The following PANK1 variants were observed in gnomAD, a reference collection of about 807,000 sequenced individuals.
The protein encoded by PANK1 is pantothenate kinase 1.
Under a neutral mutation model 40.1 loss-of-function variants are expected in PANK1, and 18 were observed. That is an observed-to-expected ratio of 0.45 (90% CI 0.31 to 0.67). The LOEUF is 0.67. PANK1 is among the 30% of genes least tolerant of loss of function. The pLI, the probability that PANK1 is intolerant of heterozygous loss-of-function variation, is 0.06. For missense variants in PANK1, 457 were observed against 599.6 expected, an observed-to-expected ratio of 0.76 and a Z score of 2.48; for synonymous variants, 242 against 237.7, an observed-to-expected ratio of 1.02 and a Z score of -0.17.
At chr10:89,617,111 A>G (rs1845342899) in intron 1 of PANK1, among the ~76,000 whole-genome samples, 1 of 152,278 alleles carries the variant, frequency 6.6e-6, no homozygotes, top group Admixed American at 6.5e-5. Context: ...AACATAGAGC[A>G]TAAGCACAAA....
intron 1 of PANK1, among the ~76,000 whole-genome samples, chr10:89,615,505 G>C (rs566917740): frequency 6.6e-6 from 1 of 152,244 alleles, no homozygotes; most frequent in African/African-American, 2.4e-5. Flanking sequence ...AGAACAATTG[G>C]AAAAAGTATA....
downstream of PANK1, chr10:89,581,954 A>G (rs1045168084): frequency 1.3e-5 from 2 of 152,252 alleles, no homozygotes; most frequent in African/African-American, 4.8e-5. Flanking sequence ...ACATCTCCAT[A>G]CTAACATGGG....
rs1564620099 is a variant in PANK1, at chr10:89,595,836, ATAT to A, written c.900-1850_900-1848del. The stretch of plus-strand genomic sequence containing the variant: ...CATCTTAAAAAAAAAAAAAAAAAAT[ATAT>A]ATATATATATATATATATATATATA... On this transcript the variant is annotated intron_variant, in intron 3 of 6. Transcript: ENST00000307534. Among the ~76,000 whole-genome samples, 227 of 46,264 alleles carry A rather than the reference ATAT, an allele frequency of 4.9e-3. 1 individual carries two copies. Among genetic ancestry groups the A allele is most frequent in the Non-Finnish European group, 6.2e-3 (170 of 27,558 alleles). The allele number at this position is 46,264 out of a possible 152,430, so 30.4% of individuals were successfully genotyped here. A position where few individuals can be genotyped will look rare whatever the true frequency, so the allele number is the denominator to read the frequency against.
At chr10:89,587,009 G>C (rs570307509) in intron 6 of PANK1, among the ~76,000 whole-genome samples, 1 of 152,216 alleles carries the variant, frequency 6.6e-6, no homozygotes, top group Admixed American at 6.5e-5. Flanking sequence ...TGTAATCCCA[G>C]CTACTTGGGA....
intron 1 of PANK1, among the ~76,000 whole-genome samples, chr10:89,638,386 C>G (rs955431432): frequency 6.6e-6 from 1 of 152,206 alleles, no homozygotes; most frequent in Admixed American, 6.5e-5. Flanking sequence ...CTTCCATTGT[C>G]CTAATGAACA....
chr10:89,583,733 T>C lies in PANK1; in HGVS notation c.*673A>G. 1 of 152,210 alleles carries C rather than the reference T, an allele frequency of 6.6e-6. No homozygotes were observed. Among genetic ancestry groups the C allele is most frequent in the East Asian group, 1.9e-4 (1 of 5,200 alleles). The allele number at this position is 152,210 out of a possible 1,614,324, so 9.4% of individuals were successfully genotyped here. On this transcript the variant is annotated 3_prime_UTR_variant, in exon 7 of 7. Transcript: ENST00000307534. The stretch of plus-strand genomic sequence containing the variant: ...CACGGGCATTTTCAAGAGCTTTAGA[T>C]CTTGTGCTTAACTTTGTATTGAGCT...
In PANK1 at chr10:89,611,771, C is replaced by G; in HGVS notation, c.570G>C (p.Lys190Asn). 6 of 1,614,222 alleles carry G rather than the reference C, an allele frequency of 3.7e-6. No homozygotes were observed. The highest frequency in any genetic ancestry group is 5.1e-6 in the Non-Finnish European group (6 of 1,180,042). Residue 190 changes from lysine to asparagine, a missense_variant, in exon 2 of 7, where the codon AAG becomes AAC. Lys to Asn is a moderately conservative substitution (Grantham distance 94). This residue lies in a region of PANK1 where 286 missense variants were observed against 415.8 expected (regional missense o/e 0.69). Coordinates refer to ENST00000307534, the MANE Select transcript of PANK1 (RefSeq NM_148977.3). Reference sequence around the variant, plus strand: ...GGGTGGTGTGAAGGCTAGAGAAGTTCTTCTCGCTGCCCATCTGAATGAACC... The same window carrying G: ...GGGTGGTGTGAAGGCTAGAGAAGTTGTTCTCGCTGCCCATCTGAATGAACC... ...MHRFIQMGSE[K>N]NFSSLHTTLC...
intron 5 of PANK1, among the ~76,000 whole-genome samples, chr10:89,590,018 T>C (rs1291287178): frequency 8.0e-6 from 1 of 124,228 alleles, no homozygotes; most frequent in Non-Finnish European, 1.6e-5. Context: ...TCCAGGTGGG[T>C]CAAAGATGTT....
chr10:89,635,673 TAC>T (rs1357787785), intron 1 of PANK1, among the ~76,000 whole-genome samples: 12 of 152,252 alleles, frequency 7.9e-5, no homozygotes, highest in Non-Finnish European at 1.8e-4. Context: ...AAGTTCAATG[TAC>T]ACAGTCTCAT....
At chr10:89,621,304 TAA>T (rs11400272) in intron 1 of PANK1, among the ~76,000 whole-genome samples, 53 of 146,958 alleles carry the variant, frequency 3.6e-4, no homozygotes, top group East Asian at 1.6e-3. Flanking sequence ...CTCTGTCTCA[TAA>T]AAAAAAAAAA....
At chr10:89,608,245 A>G (rs1261050019) in intron 2 of PANK1, among the ~76,000 whole-genome samples, 1 of 151,854 alleles carries the variant, frequency 6.6e-6, no homozygotes, top group African/African-American at 2.4e-5. Context: ...GTTAGCCAGG[A>G]TGGTCTCGAT....
chr10:89,615,243 C>G (rs573007634), intron 1 of PANK1, among the ~76,000 whole-genome samples: 1 of 152,332 alleles, frequency 6.6e-6, no homozygotes, highest in Admixed American at 6.5e-5. Context: ...AGAAAACAAT[C>G]TAGTTCTGTA....
intron 3 of PANK1, among the ~76,000 whole-genome samples, chr10:89,597,181 T>C (rs1844636859): frequency 6.6e-6 from 1 of 152,244 alleles, no homozygotes; most frequent in Non-Finnish European, 1.5e-5. Context: ...CTAAGCCATT[T>C]GCTAAAACAG....
At chr10:89,582,579 T>C (rs1312622228), downstream of PANK1, 1 of 152,150 alleles carries the variant, frequency 6.6e-6, no homozygotes, top group Non-Finnish European at 1.5e-5. Flanking sequence ...AGAATAGGAA[T>C]AGAAGAGGCC....
chr10:89,622,390 T>C (rs114547926), intron 1 of PANK1, among the ~76,000 whole-genome samples: 12 of 152,330 alleles, frequency 7.9e-5, no homozygotes, highest in African/African-American at 2.4e-4. Context: ...GCTCATATGC[T>C]ACCACTGGGA....
At chr10:89,604,941 C>CG (rs1378696647) in intron 2 of PANK1, among the ~76,000 whole-genome samples, 2 of 151,272 alleles carry the variant, frequency 1.3e-5, no homozygotes, top group Non-Finnish European at 2.9e-5. Context: ...TTAGTAGAGA[C>CG]GGGGTTTCAC....
chr10:89,596,020 C>T (rs891128496), intron 3 of PANK1, among the ~76,000 whole-genome samples: 1 of 151,132 alleles, frequency 6.6e-6, no homozygotes, highest in African/African-American at 2.4e-5. Context: ...GGAAGAGGTC[C>T]ATGTACATTA....
intron 1 of PANK1, among the ~76,000 whole-genome samples, chr10:89,641,880 C>A (rs1841981724): frequency 6.6e-6 from 1 of 152,114 alleles, no homozygotes; most frequent in African/African-American, 2.4e-5. Context: ...ACTGTCAGCT[C>A]TGAAGTGTCA....
At chr10:89,590,081 A>T (rs749570262) in intron 5 of PANK1, among the ~76,000 whole-genome samples, 2 of 151,742 alleles carry the variant, frequency 1.3e-5, no homozygotes, top group Middle Eastern at 3.2e-3. Context: ...ATAGGGAAAA[A>T]TATGGAAGAA....
Sources: allele counts gnomAD v4.1 joint callset (sites outside exome capture counted in the v4.1 genomes callset), GRCh38; gene constraint gnomAD v4.1.1; regional missense constraint gnomAD v4.1.1; transcripts MANE v1.5; gene names NCBI Gene and HGNC (gene_info 2026-07-23, HGNC 2026-07-21).